ORC3: variants seen among roughly 807,000 people sequenced by gnomAD.
The protein encoded by ORC3 is homolog of latheo, Drosophila.
A neutral mutation model predicts 100.7 loss-of-function variants in ORC3; 78 were observed. The observed-to-expected ratio is 0.77, with a 90% CI of 0.65 to 0.94. ORC3 has a LOEUF of 0.94. Among genes scored for constraint, ORC3 ranks in the 40% least tolerant of loss-of-function variants. The pLI is 0.00. For synonymous variants in ORC3, 295 were observed against 289.3 expected, an observed-to-expected ratio of 1.02 and a Z score of -0.20; for missense variants, 789 against 823.9, an observed-to-expected ratio of 0.96 and a Z score of 0.52.
At chr6:87,630,332 T>C (rs1053761405) in intron 11 of ORC3, among the ~76,000 whole-genome samples, 1 of 152,092 alleles carries the variant, frequency 6.6e-6, no homozygotes, top group Non-Finnish European at 1.5e-5. Flanking sequence ...CCCTGGGAGG[T>C]CAAGGCTGCA....
At chr6:87,607,018 T>C (rs1196614703) in intron 5 of ORC3, among the ~76,000 whole-genome samples, 1 of 152,232 alleles carries the variant, frequency 6.6e-6, no homozygotes. Context: ...ATATGACACT[T>C]GATTTTTCTT....
At chr6:87,651,544 C>G (rs1041166257) in intron 13 of ORC3, among the ~76,000 whole-genome samples, 3 of 152,032 alleles carry the variant, frequency 2.0e-5, no homozygotes, top group Non-Finnish European at 4.4e-5. Flanking sequence ...CAGTTAGCTG[C>G]CTTTCACAGA....
At position 87,590,924 on chromosome 6, in the gene ORC3, C is replaced by A. The variant is rs187986226; in HGVS notation, c.24+732C>A. On this transcript the variant is annotated intron_variant, in intron 1 of 19. Transcript: ENST00000392844. ...GTGTGGTGGGATATCTTATAGACCT[C>A]CTCATGTTGGCTACCTAGATGGCAA... is the stretch of plus-strand genomic sequence containing the variant. Among the ~76,000 whole-genome samples the A allele has an allele frequency of 2.6e-4, 40 of 152,182 alleles. No individual in the cohort carries two copies. In the East Asian group the frequency reaches 4.2e-3, roughly 16 times the overall value.
At chr6:87,673,548 AG>A in the ORC3 span, among the ~76,000 whole-genome samples, 3 of 152,136 alleles carry the variant, frequency 2.0e-5, no homozygotes, top group Non-Finnish European at 4.4e-5. Context: ...GACCATTAAA[AG>A]GGGGTAGAAT....
At chr6:87,600,541 GAAGACCTA>G (rs1180620890) in intron 2 of ORC3, among the ~76,000 whole-genome samples, 1 of 152,102 alleles carries the variant, frequency 6.6e-6, no homozygotes, top group Non-Finnish European at 1.5e-5. Context: ...GCAGTGGGAG[GAAGACCTA>G]AATGTATTTG....
At chr6:87,601,684 A>AAC in intron 2 of ORC3, 100 bp from the exon 3 acceptor site, 1 of 707,994 alleles carries the variant, frequency 1.4e-6, no homozygotes, top group Admixed American at 2.8e-5. Context: ...AAAAAAAAAA[A>AAC]ATTTCACTTC....
chr6:87,648,119 T>C (rs557982117), intron 13 of ORC3, among the ~76,000 whole-genome samples: 3 of 152,260 alleles, frequency 2.0e-5, no homozygotes, highest in African/African-American at 7.2e-5. Context: ...GAGAATTGCC[T>C]GAACCCAGGA....
chr6:87,645,164 C>G (rs1398794991), intron 13 of ORC3, among the ~76,000 whole-genome samples: 1 of 151,650 alleles, frequency 6.6e-6, no homozygotes, highest in African/African-American at 2.4e-5. Flanking sequence ...GATCAGATGA[C>G]AAAGATAACC....
At chr6:87,643,715 C>T (rs1562366334) in intron 13 of ORC3, among the ~76,000 whole-genome samples, 1 of 152,126 alleles carries the variant, frequency 6.6e-6, no homozygotes, top group Non-Finnish European at 1.5e-5. Flanking sequence ...AGAAATAACT[C>T]ATCAAATTTT....
At chr6:87,664,718 A>T (rs1770462189) in intron 17 of ORC3, 25 bp from the exon 18 acceptor site, 1 of 1,560,868 alleles carries the variant, frequency 6.4e-7, no homozygotes, top group Non-Finnish European at 8.8e-7. Context: ...AAAGTTAGTC[A>T]TCTTAGTTTA....
intron 11 of ORC3, among the ~76,000 whole-genome samples, chr6:87,629,857 A>C (rs1767254488): frequency 6.6e-6 from 1 of 152,142 alleles, no homozygotes; most frequent in Non-Finnish European, 1.5e-5. Flanking sequence ...CTCCTGCTCC[A>C]TCCATGTTGC....
intron 14 of ORC3, among the ~76,000 whole-genome samples, chr6:87,655,673 T>A (rs1052754865): frequency 6.6e-6 from 1 of 151,482 alleles, no homozygotes; most frequent in Non-Finnish European, 1.5e-5. Flanking sequence ...ATTATTTTTT[T>A]TTTTTTTAAA....
chr6:87,640,373 ACATT>A (rs1341499723), intron 13 of ORC3, among the ~76,000 whole-genome samples: 1 of 152,240 alleles, frequency 6.6e-6, no homozygotes, highest in Non-Finnish European at 1.5e-5. Context: ...TATGCAACAG[ACATT>A]CATGTGTGTG....
At chr6:87,640,663 T>C (rs1768174874) in intron 13 of ORC3, among the ~76,000 whole-genome samples, 1 of 152,210 alleles carries the variant, frequency 6.6e-6, no homozygotes, top group South Asian at 2.1e-4. Context: ...TTATCAGATG[T>C]GAAAGACTGT....
chr6:87,592,812 G>A (rs1777132607), intron 1 of ORC3, among the ~76,000 whole-genome samples: 1 of 152,072 alleles, frequency 6.6e-6, no homozygotes, highest in Non-Finnish European at 1.5e-5. Flanking sequence ...TTATCCATCA[G>A]GCCGGGTGCA....
intron 5 of ORC3, among the ~76,000 whole-genome samples, chr6:87,606,570 G>A (rs1309733449): frequency 6.7e-6 from 1 of 148,652 alleles, no homozygotes; most frequent in African/African-American, 2.5e-5. Flanking sequence ...TCACTCTGTT[G>A]CCTAGGCTGT....
chr6:87,636,398 C>T lies in ORC3; in HGVS notation c.1303-9C>T. ...TTTGGTTCCTCACAAATGTGTTGTT[C>T]CCTTACAGATCAGAGAGTTGTACTG... On this transcript the variant is annotated splice_polypyrimidine_tract_variant and intron_variant, in intron 12 of 19. Coordinates refer to ENST00000392844, the MANE Select transcript of ORC3 (RefSeq NM_012381.4). 6.3e-7 allele frequency: 1 copy of T among 1,579,876 alleles called. No homozygotes were observed. Among genetic ancestry groups the T allele is most frequent in the Non-Finnish European group, 8.7e-7 (1 of 1,150,046 alleles).
In ORC3 at chr6:87,603,489, A is replaced by G. The variant is rs755239248; in HGVS notation, c.283A>G (p.Ile95Val). Reference sequence around the variant, plus strand: ...GAATTCAAGAGACTTGGGCGGTCAAATAAAACTCAGAGAAATTCCAACTGC... The same window carrying G: ...GAATTCAAGAGACTTGGGCGGTCAAGTAAAACTCAGAGAAATTCCAACTGC... ...QKNSRDLGGQIKLREIPTAAL... is the reference protein window; with the variant it reads ...QKNSRDLGGQVKLREIPTAAL... The change falls in exon 4 of 20, where the codon ATA becomes GTA. Residue 95 changes from isoleucine to valine, a missense_variant. Physicochemically the swap from Ile to Val is conservative, Grantham distance 29 (BLOSUM62 3). Around this residue, in one of 3 missense-constraint regions of ORC3, gnomAD observed 399 missense variants for 382.0 expected, o/e 1.04. Transcript: ENST00000392844. The G allele has an allele frequency of 2.0e-6, 3 of 1,527,474 alleles. No individual in the cohort carries two copies. In the African/African-American group the frequency reaches 4.0e-5, roughly 21 times the overall value. The allele number at this position is 1,527,474 out of a possible 1,614,324, so 94.6% of individuals were successfully genotyped here.
intron 4 of ORC3, among the ~76,000 whole-genome samples, chr6:87,604,468 T>C (rs1320039371): frequency 6.6e-6 from 1 of 152,152 alleles, no homozygotes; most frequent in Non-Finnish European, 1.5e-5. Flanking sequence ...CAATGCAACA[T>C]CTAAAAATTC....
Sources: gnomAD v4.1 joint callset for allele counts (sites outside exome capture counted in the v4.1 genomes callset) on GRCh38, gnomAD v4.1.1 for gene constraint, gnomAD v4.1.1 regional missense constraint, MANE v1.5 for transcripts, NCBI Gene and HGNC (gene_info 2026-07-23, HGNC 2026-07-21) for gene names.